NDST3: variants seen among roughly 807,000 people sequenced by gnomAD.
The protein encoded by NDST3 is N-deacetylase and N-sulfotransferase 3.
NDST3 carries 58 observed loss-of-function variants against 96.1 expected under a neutral mutation model. The observed-to-expected ratio is 0.60, with a 90% CI of 0.49 to 0.75. NDST3 has a LOEUF of 0.75. Ranked by LOEUF, NDST3 falls within the 30% of genes least tolerant of loss-of-function variation. NDST3 has a pLI of 0.00. For synonymous variants in NDST3, 333 were observed against 359.7 expected, an observed-to-expected ratio of 0.93 and a Z score of 0.84; for missense variants, 788 against 1,034.2, an observed-to-expected ratio of 0.76 and a Z score of 3.27.
chr4:118,143,795 C>G (rs1322150849), intron 6 of NDST3, 111 bp downstream of exon 6: 1 of 1,218,790 alleles, frequency 8.2e-7, no homozygotes. Flanking sequence ...ATATGAAGTT[C>G]TAGCTCTGAA....
chr4:118,219,027 G>A (rs1191628574), intron 6 of NDST3, among the ~76,000 whole-genome samples: 13 of 151,942 alleles, frequency 8.6e-5, no homozygotes, highest in Admixed American at 8.5e-4. Context: ...CACTACTCAA[G>A]GAAATCAGAG....
At chr4:118,037,479 T>A (rs1025788130) in intron 1 of NDST3, among the ~76,000 whole-genome samples, 1 of 152,196 alleles carries the variant, frequency 6.6e-6, no homozygotes, top group Non-Finnish European at 1.5e-5. Flanking sequence ...TGGTATGCAG[T>A]TTGAGTCCGG....
intron 7 of NDST3, 57 bp downstream of exon 7, chr4:118,224,730 A>G (rs958306953): frequency 2.8e-6 from 4 of 1,416,436 alleles, no homozygotes; most frequent in Non-Finnish European, 3.7e-6. Context: ...TAATTCTGTG[A>G]GATATCCCAA....
At chr4:118,221,097 T>A (rs1367676114) in intron 6 of NDST3, among the ~76,000 whole-genome samples, 1 of 151,952 alleles carries the variant, frequency 6.6e-6, no homozygotes, top group African/African-American at 2.4e-5. Flanking sequence ...GTATAAAGAC[T>A]GGTGATCAGA....
chr4:118,125,218 A>T (rs1731948306), intron 4 of NDST3, among the ~76,000 whole-genome samples: 1 of 152,064 alleles, frequency 6.6e-6, no homozygotes, highest in African/African-American at 2.4e-5. Context: ...ATCACCATAA[A>T]TAACAAAGAC....
At chr4:118,079,095 C>A (rs960135577) in intron 2 of NDST3, among the ~76,000 whole-genome samples, 1 of 152,144 alleles carries the variant, frequency 6.6e-6, no homozygotes, top group South Asian at 2.1e-4. Flanking sequence ...TGGCCATTCA[C>A]TCAAAAAATA....
intron 6 of NDST3, among the ~76,000 whole-genome samples, chr4:118,221,966 T>A: frequency 6.7e-6 from 1 of 148,932 alleles, no homozygotes; most frequent in Admixed American, 6.8e-5. Flanking sequence ...ATAATAAAAA[T>A]AATTTATTTT....
At chr4:118,253,478 G>T in intron 12 of NDST3, 21 bp from the exon 13 acceptor site, 1 of 1,470,148 alleles carries the variant, frequency 6.8e-7, no homozygotes, top group South Asian at 1.2e-5. Context: ...GTTTTTCTGT[G>T]TGTATTCTTT....
At chr4:118,238,167 GAAAGA>G (rs1446495688) in intron 10 of NDST3, among the ~76,000 whole-genome samples, 3 of 33,526 alleles carry the variant, frequency 8.9e-5, no homozygotes, top group South Asian at 9.7e-4. Context: ...AAGAAAGAAA[GAAAGA>G]AAGAAAGAAA....
intron 6 of NDST3, among the ~76,000 whole-genome samples, chr4:118,176,388 C>T (rs1736282238): frequency 6.6e-6 from 1 of 152,106 alleles, no homozygotes. Flanking sequence ...ACATTATATG[C>T]AGATAGAAAG....
intron 6 of NDST3, among the ~76,000 whole-genome samples, chr4:118,159,404 T>C (rs1466604595): frequency 6.6e-6 from 1 of 152,170 alleles, no homozygotes; most frequent in Non-Finnish European, 1.5e-5. Context: ...AGACTAGAGG[T>C]GAGAGGACCT....
chr4:118,181,734 A>C (rs1736622379), intron 6 of NDST3, among the ~76,000 whole-genome samples: 1 of 152,146 alleles, frequency 6.6e-6, no homozygotes, highest in Admixed American at 6.6e-5. Flanking sequence ...TATTGAACTA[A>C]TCTTATTTAC....
chr4:118,114,774 G>C (rs1333089312), intron 3 of NDST3, 32 bp from the exon 4 acceptor site: 1 of 1,566,520 alleles, frequency 6.4e-7, no homozygotes, highest in Non-Finnish European at 8.7e-7. Flanking sequence ...AGTGTAACTG[G>C]AATTAATTGG....
chr4:118,237,517 A>G (rs1740721746), intron 10 of NDST3, among the ~76,000 whole-genome samples: 1 of 152,188 alleles, frequency 6.6e-6, no homozygotes, highest in African/African-American at 2.4e-5. Flanking sequence ...ATGCCTCTAT[A>G]TATCTGCATT....
At chr4:118,133,971 C>CA (rs540058151) in intron 4 of NDST3, among the ~76,000 whole-genome samples, 175 of 152,142 alleles carry the variant, frequency 1.2e-3, no homozygotes, top group African/African-American at 4.0e-3. Flanking sequence ...CTTTTCTATG[C>CA]AAAAAAATAC....
intron 6 of NDST3, among the ~76,000 whole-genome samples, chr4:118,197,034 T>C (rs1737740803): frequency 6.6e-6 from 1 of 152,024 alleles, no homozygotes; most frequent in African/African-American, 2.4e-5. Flanking sequence ...AATGGTATGT[T>C]GTGTTTCCAT....
At chr4:118,136,809 G>A (rs533802131) in intron 4 of NDST3, among the ~76,000 whole-genome samples, 54 of 152,226 alleles carry the variant, frequency 3.5e-4, no homozygotes, top group African/African-American at 1.2e-3. Context: ...AGTGTGTACA[G>A]TATACAGCAA....
chr4:118,219,547 A>G (rs1382770902), intron 6 of NDST3, among the ~76,000 whole-genome samples: 2 of 152,128 alleles, frequency 1.3e-5, no homozygotes, highest in African/African-American at 4.8e-5. Context: ...AAGATCGATT[A>G]AAGACTTAAG....
chr4:118,182,668 T>A (rs1736681741), intron 6 of NDST3, among the ~76,000 whole-genome samples: 2 of 152,170 alleles, frequency 1.3e-5, no homozygotes, highest in Admixed American at 1.3e-4. Flanking sequence ...GCCAACACTT[T>A]GCACTTTCCT....
Sources: gnomAD v4.1 joint callset for allele counts (sites outside exome capture counted in the v4.1 genomes callset) on GRCh38, gnomAD v4.1.1 for gene constraint, MANE v1.5 for transcripts, NCBI Gene and HGNC (gene_info 2026-07-23, HGNC 2026-07-21) for gene names.